The following DNAH6 variants were observed in gnomAD, a reference collection of about 807,000 sequenced individuals.
The protein encoded by DNAH6 is dynein axonemal heavy chain 6.
A neutral mutation model predicts 491.4 loss-of-function variants in DNAH6; 340 were observed. The observed-to-expected ratio is 0.69, with a 90% confidence interval of 0.63 to 0.76. The LOEUF is 0.76. Ranked by LOEUF, DNAH6 falls within the 30% of genes least tolerant of loss-of-function variation. The probability of loss-of-function intolerance (pLI) is 0.00; values close to 1 mark genes in which losing one functional copy is unlikely to be tolerated. For missense variants in DNAH6, 4,443 were observed against 4,972.2 expected (o/e 0.89, Z 3.20); for synonymous variants, 1,603 against 1,686.1 (o/e 0.95, Z 1.21).
chr2:84,557,739 G>T lies in DNAH6; in HGVS notation c.1607G>T (p.Gly536Val), dbSNP rs1390099547. Reference protein sequence around the residue: ...FEPSLEDFLDGILGAVNHCQN... With the variant: ...FEPSLEDFLDVILGAVNHCQN... ...TTATGCTTTTCTCTTTAACAGGATG[G>T]TATTTTGGGTGCAGTTAATCACTGT... The change falls in exon 11 of 77, where the codon GGT becomes GTT. Residue 536 changes from glycine (G) to valine (V), a missense_variant. Gly to Val is a moderately radical substitution (Grantham distance 109). Transcript: ENST00000389394. 3.2e-6 allele frequency: 5 copies of T among 1,565,982 alleles called. No homozygotes were observed. The highest frequency in any genetic ancestry group is 3.5e-6 in the Non-Finnish European group (4 of 1,148,582).
the DNAH6 span, among the ~76,000 whole-genome samples, chr2:84,478,922 G>A: frequency 6.6e-6 from 1 of 152,172 alleles, no homozygotes; most frequent in African/African-American, 2.4e-5. Flanking sequence ...CTGAAAAGCA[G>A]ATGGAGCAGG....
intron 35 of DNAH6, among the ~76,000 whole-genome samples, chr2:84,656,939 C>T (rs1229709489): frequency 2.0e-5 from 3 of 151,974 alleles, no homozygotes; most frequent in South Asian, 4.1e-4. Context: ...TAGATTTTCT[C>T]CTGTTATCTT....
chr2:84,786,441 A>G lies in DNAH6; in HGVS notation c.11100+685A>G, dbSNP rs56277206. 3.3e-3 allele frequency among the ~76,000 whole-genome samples: 501 copies of G among 150,546 alleles called. 7 individuals carry two copies. Among genetic ancestry groups the G allele is most frequent in the African/African-American group, 8.7e-3 (359 of 41,226 alleles). On this transcript the variant is annotated intron_variant, in intron 67 of 76. Transcript: ENST00000389394. ...CTCTGTCTCAAAAAAAAAAAAAAAA[A>G]AAAAGAAAAGATGCCAGATATAAGA... is the stretch of plus-strand genomic sequence containing the variant.
At chr2:84,601,385 T>C (rs1324092606) in intron 18 of DNAH6, among the ~76,000 whole-genome samples, 1 of 152,082 alleles carries the variant, frequency 6.6e-6, no homozygotes, top group Non-Finnish European at 1.5e-5. Flanking sequence ...TGATTTATTT[T>C]GATGTTCTGT....
In DNAH6 at chr2:84,601,014, T is replaced by TTATAATAATAATGTTATTATTATAC. The variant is rs1248671822; in HGVS notation, c.2869-3294_2869-3270dup. 8.0e-3 allele frequency among the ~76,000 whole-genome samples: 1,072 copies of TTATAATAATAATGTTATTATTATAC among 133,398 alleles called. 29 individuals are homozygous for TTATAATAATAATGTTATTATTATAC. The highest frequency in any genetic ancestry group is 0.026 in the Middle Eastern group (7 of 270). 87.5% of individuals were successfully genotyped at this position (133,398 alleles called of 152,430 possible). A position where few individuals can be genotyped will look rare whatever the true frequency, so the allele number is the denominator to read the frequency against. ...ATAATAATAATATACTATAATAATA[T>TTATAATAATAATGTTATTATTATAC]TATAATAATAATGTTATTATTATAC... On this transcript the variant is annotated intron_variant, in intron 18 of 76. Coordinates refer to ENST00000389394, the MANE Select transcript of DNAH6 (RefSeq NM_001370.2).
the DNAH6 span, among the ~76,000 whole-genome samples, chr2:84,489,095 A>G: frequency 1.3e-5 from 2 of 152,170 alleles, no homozygotes; most frequent in African/African-American, 4.8e-5. Flanking sequence ...GCCTCCCTAT[A>G]ACTTCAACAG....
Position 84,709,354 on chromosome 2 carries a change from T to C in DNAH6, c.9060T>C (p.Cys3020=). The C allele has an allele frequency of 6.4e-7, 1 of 1,551,686 alleles. No individual in the cohort carries two copies. The highest frequency in any genetic ancestry group is 8.7e-7 in the Non-Finnish European group (1 of 1,147,004). ...TAQYRQSLIE[C]WIQDCQSLEI... is the part of the protein sequence containing the mutation. ...TCCCCCTTCTACAGCTTATAGAGTG[T>C]TGGATCCAGGACTGTCAGTCTCTGG... Residue 3020 remains cysteine (C), a synonymous_variant, in exon 55 of 77, where the codon TGT becomes TGC. Transcript: ENST00000389394.
At chr2:84,709,850 G>C (rs1380355165) in intron 55 of DNAH6, among the ~76,000 whole-genome samples, 1 of 152,184 alleles carries the variant, frequency 6.6e-6, no homozygotes, top group Non-Finnish European at 1.5e-5. Flanking sequence ...TTCTTCTGTA[G>C]TCCTTGTTCC....
intron 5 of DNAH6, among the ~76,000 whole-genome samples, chr2:84,545,915 T>C (rs1230813702): frequency 6.6e-6 from 1 of 152,220 alleles, no homozygotes; most frequent in East Asian, 1.9e-4. Flanking sequence ...TTTTGATATA[T>C]AATTTACATA....
intron 15 of DNAH6, among the ~76,000 whole-genome samples, chr2:84,586,919 C>T (rs1683611743): frequency 6.6e-6 from 1 of 152,206 alleles, no homozygotes; most frequent in South Asian, 2.1e-4. Context: ...AGTGCCAGCA[C>T]ATGCTTGATG....
chr2:84,481,921 C>G, the DNAH6 span, among the ~76,000 whole-genome samples: 2 of 152,226 alleles, frequency 1.3e-5, no homozygotes, highest in Non-Finnish European at 2.9e-5. Context: ...TCCCTTGTTT[C>G]TGTGACCCAC....
At chr2:84,531,839 A>T (rs1264906599) in intron 4 of DNAH6, among the ~76,000 whole-genome samples, 1 of 152,142 alleles carries the variant, frequency 6.6e-6, no homozygotes, top group Admixed American at 6.6e-5. Flanking sequence ...CAATTAAAAA[A>T]AACCCTTAAT....
At chr2:84,645,005 G>A (rs1224288830) in intron 33 of DNAH6, among the ~76,000 whole-genome samples, 1 of 152,124 alleles carries the variant, frequency 6.6e-6, no homozygotes, top group Non-Finnish European at 1.5e-5. Context: ...TAGCTCTTTG[G>A]GGAATCACTA....
intron 45 of DNAH6, 106 bp from the exon 46 acceptor site, chr2:84,694,143 A>T (rs994806567): frequency 6.4e-6 from 6 of 943,056 alleles, no homozygotes; most frequent in African/African-American, 3.3e-5. Flanking sequence ...CATCCTGCCC[A>T]GGGAGGAGGC....
the DNAH6 span, among the ~76,000 whole-genome samples, chr2:84,468,759 A>G: frequency 6.6e-6 from 1 of 152,236 alleles, no homozygotes; most frequent in African/African-American, 2.4e-5. Flanking sequence ...GTCTAGGGTC[A>G]TTAATTTTGA....
upstream of DNAH6, among the ~76,000 whole-genome samples, chr2:84,514,948 A>G (rs1373086232): frequency 6.6e-6 from 1 of 151,750 alleles, no homozygotes; most frequent in East Asian, 1.9e-4. Context: ...ACAGTTGTGT[A>G]CAATCCACCT....
intron 45 of DNAH6, among the ~76,000 whole-genome samples, 182 bp from the exon 46 acceptor site, chr2:84,694,067 G>T (rs1051637864): frequency 6.6e-6 from 1 of 152,354 alleles, no homozygotes; most frequent in Middle Eastern, 3.4e-3. Flanking sequence ...GAATGAAAAA[G>T]AGAAAAGCCC....
At chr2:84,790,538 A>G (rs1192312) in intron 68 of DNAH6, among the ~76,000 whole-genome samples, 33,816 of 152,108 alleles carry the variant, frequency 0.22, 4,442 homozygotes, top group African/African-American at 0.38. Context: ...CAACTCAACA[A>G]TAAGAAAAAT....
the DNAH6 span, among the ~76,000 whole-genome samples, chr2:84,484,074 A>C: frequency 3.9e-5 from 6 of 152,158 alleles, no homozygotes; most frequent in Non-Finnish European, 7.4e-5. Context: ...GGGGTAGGGT[A>C]TAACTACTCT....
Sources: allele counts gnomAD v4.1 joint callset (sites outside exome capture counted in the v4.1 genomes callset), GRCh38; gene constraint gnomAD v4.1.1; transcripts MANE v1.5; gene names NCBI Gene and HGNC (gene_info 2026-07-23, HGNC 2026-07-21).